The following PTPRT variants were observed in gnomAD, a reference collection of about 807,000 sequenced individuals.
PTPRT encodes receptor-type tyrosine-protein phosphatase T.
Under a neutral mutation model 176.8 loss-of-function variants are expected in PTPRT, and 56 were observed. That is an observed-to-expected ratio of 0.32 (90% CI 0.26 to 0.40). The LOEUF is 0.40. PTPRT is among the 10% of genes least tolerant of loss of function. The pLI is 1.00. For synonymous variants in PTPRT, 783 were observed against 739.0 expected (o/e 1.06, Z -0.96); for missense variants, 1,540 against 1,908.2 (o/e 0.81, Z 3.60).
At chr20:42,131,504 C>T (rs997216802) in intron 18 of PTPRT, among the ~76,000 whole-genome samples, 1 of 152,036 alleles carries the variant, frequency 6.6e-6, no homozygotes, top group South Asian at 2.1e-4. Flanking sequence ...GTTGAAAAAC[C>T]GGAAAGCAAA....
At chr20:42,677,773 C>A (rs146719272) in intron 7 of PTPRT, 93 bp downstream of exon 7, 12 of 1,396,506 alleles carry the variant, frequency 8.6e-6, no homozygotes, top group Non-Finnish European at 6.8e-6. Flanking sequence ...AAAGAAAATT[C>A]GGAATTATCT....
intron 1 of PTPRT, among the ~76,000 whole-genome samples, chr20:43,092,110 A>C (rs751596764): frequency 6.6e-6 from 1 of 152,236 alleles, no homozygotes; most frequent in Non-Finnish European, 1.5e-5. Flanking sequence ...AAAGTGGTTT[A>C]TTTGGGGAAG....
intron 1 of PTPRT, among the ~76,000 whole-genome samples, chr20:42,947,437 T>C (rs1405181043): frequency 6.6e-6 from 1 of 152,150 alleles, no homozygotes; most frequent in Non-Finnish European, 1.5e-5. Flanking sequence ...AATTCTCTCC[T>C]GTTCTCCATA....
intron 1 of PTPRT, among the ~76,000 whole-genome samples, chr20:43,000,495 G>A (rs1197303099): frequency 6.6e-6 from 1 of 151,810 alleles, no homozygotes; most frequent in Non-Finnish European, 1.5e-5. Context: ...AAAAACCACA[G>A]AAACAATATA....
chr20:42,937,280 A>C (rs1046312011), intron 1 of PTPRT, among the ~76,000 whole-genome samples: 1 of 152,200 alleles, frequency 6.6e-6, no homozygotes, highest in African/African-American at 2.4e-5. Context: ...ACTGGGTGTC[A>C]TAGGATCTCT....
chr20:42,596,572 G>A (rs2073674658), intron 7 of PTPRT, among the ~76,000 whole-genome samples: 1 of 152,194 alleles, frequency 6.6e-6, no homozygotes, highest in Non-Finnish European at 1.5e-5. Flanking sequence ...CACTTGCAAT[G>A]TTTGTAACAG....
chr20:42,285,277 G>A lies in PTPRT; in HGVS notation c.2140-2752C>T, dbSNP rs747558581. Among the ~76,000 whole-genome samples the A allele has an allele frequency of 3.3e-5, 5 of 151,718 alleles. 1 individual carries two copies. The highest frequency in any genetic ancestry group is 7.4e-5 in the Non-Finnish European group (5 of 67,826). ...CTATCATTGAGAAATTGTGTAGACT[G>A]GGAGAGGTGCCAGGAGACTATAGAT... On this transcript the variant is annotated intron_variant, in intron 12 of 30. Transcript: ENST00000373187.
At chr20:42,956,929 C>T (rs1981679662) in intron 1 of PTPRT, among the ~76,000 whole-genome samples, 1 of 152,136 alleles carries the variant, frequency 6.6e-6, no homozygotes, top group Admixed American at 6.6e-5. Flanking sequence ...AAAAAGCATT[C>T]AACTCACCAA....
intron 7 of PTPRT, among the ~76,000 whole-genome samples, chr20:42,662,138 T>C (rs2075234928): frequency 6.6e-6 from 1 of 152,198 alleles, no homozygotes; most frequent in Non-Finnish European, 1.5e-5. Context: ...CATACTGTCC[T>C]CTTAATATGT....
intron 1 of PTPRT, among the ~76,000 whole-genome samples, chr20:42,944,237 G>A (rs1201929060): frequency 3.3e-5 from 5 of 152,020 alleles, no homozygotes; most frequent in Non-Finnish European, 5.9e-5. Flanking sequence ...GCCGGGGGGC[G>A]GAAAGTGCTT....
At chr20:42,476,009 T>C (rs2071282923) in intron 7 of PTPRT, among the ~76,000 whole-genome samples, 1 of 152,180 alleles carries the variant, frequency 6.6e-6, no homozygotes, top group South Asian at 2.1e-4. Flanking sequence ...TGGCACTCAC[T>C]ATCTGGGTGA....
chr20:42,147,841 A>G (rs961680072), intron 17 of PTPRT, among the ~76,000 whole-genome samples: 7 of 152,196 alleles, frequency 4.6e-5, no homozygotes, highest in African/African-American at 1.7e-4. Context: ...GATGCCTAAT[A>G]GAGCCTCTGG....
chr20:42,499,569 C>CTT (rs1016392850), intron 7 of PTPRT, among the ~76,000 whole-genome samples: 50 of 152,218 alleles, frequency 3.3e-4, no homozygotes, highest in Non-Finnish European at 5.9e-4. Context: ...GGATTACAGG[C>CTT]GTGAGCCACC....
chr20:43,142,483 G>C (rs555069157), intron 1 of PTPRT, among the ~76,000 whole-genome samples: 27 of 152,318 alleles, frequency 1.8e-4, no homozygotes, highest in African/African-American at 6.5e-4. Context: ...CTTTCCTGGG[G>C]AAACAGCCCT....
chr20:42,937,341 T>A (rs761771575), intron 1 of PTPRT, among the ~76,000 whole-genome samples: 1 of 152,156 alleles, frequency 6.6e-6, no homozygotes, highest in Non-Finnish European at 1.5e-5. Flanking sequence ...GCTGTGGTCA[T>A]CTTTCCCACG....
At chr20:42,381,389 A>G (rs1242053470) in intron 9 of PTPRT, among the ~76,000 whole-genome samples, 1 of 152,160 alleles carries the variant, frequency 6.6e-6, no homozygotes, top group African/African-American at 2.4e-5. Context: ...TCCCTCTGAC[A>G]TGATGACTAG....
At chr20:42,865,374 G>C (rs1278347342) in intron 2 of PTPRT, among the ~76,000 whole-genome samples, 2 of 152,146 alleles carry the variant, frequency 1.3e-5, no homozygotes, top group Non-Finnish European at 2.9e-5. Context: ...AGCCACCTCA[G>C]ATTTTCTGTT....
intron 1 of PTPRT, among the ~76,000 whole-genome samples, chr20:42,888,884 T>C (rs1336385487): frequency 6.6e-6 from 1 of 152,182 alleles, no homozygotes; most frequent in Admixed American, 6.5e-5. Flanking sequence ...ATGGAAAATA[T>C]GCTTTCTTAT....
intron 11 of PTPRT, among the ~76,000 whole-genome samples, chr20:42,329,918 A>G (rs1568780370): frequency 6.6e-6 from 1 of 152,260 alleles, no homozygotes; most frequent in South Asian, 2.1e-4. Context: ...TACTTTGAAA[A>G]TATTTTTTTA....
Sources: allele counts gnomAD v4.1 joint callset (sites outside exome capture counted in the v4.1 genomes callset), GRCh38; gene constraint gnomAD v4.1.1; transcripts MANE v1.5; gene names NCBI Gene and HGNC (gene_info 2026-07-23, HGNC 2026-07-21).